AFG2A: variants seen among roughly 807,000 people sequenced by gnomAD.
The protein encoded by AFG2A is AAA ATPase AFG2A, also known as ATPase family gene 2 protein homolog A.
the AFG2A span, among the ~76,000 whole-genome samples, chr4:123,093,985 T>C: frequency 3.3e-5 from 5 of 152,298 alleles, no homozygotes; most frequent in Non-Finnish European, 7.3e-5. Flanking sequence ...TTAAGTCTTC[T>C]AGAGGTTTGT....
chr4:123,252,296 G>A, the AFG2A span, among the ~76,000 whole-genome samples: 1 of 151,850 alleles, frequency 6.6e-6, no homozygotes, highest in East Asian at 1.9e-4. Flanking sequence ...CAGTCTGTTT[G>A]GAACTCTAAG....
the AFG2A span, chr4:122,947,112 T>A: frequency 1.2e-6 from 1 of 863,598 alleles, no homozygotes; most frequent in African/African-American, 1.7e-5. Context: ...GCGTAAGAAA[T>A]AGGACTTAGT....
the AFG2A span, among the ~76,000 whole-genome samples, chr4:123,277,618 T>C: frequency 3.3e-5 from 5 of 152,234 alleles, no homozygotes; most frequent in Non-Finnish European, 7.3e-5. Flanking sequence ...GGGTTTGTCA[T>C]AGATGGCTCT....
chr4:123,170,672 G>A, the AFG2A span, among the ~76,000 whole-genome samples: 11 of 152,108 alleles, frequency 7.2e-5, no homozygotes, highest in Admixed American at 5.9e-4. Context: ...TGGTGACATC[G>A]TATTAATATT....
the AFG2A span, chr4:123,256,095 A>T: frequency 6.2e-7 from 1 of 1,614,136 alleles, no homozygotes; most frequent in Non-Finnish European, 8.5e-7. Context: ...GAAATATTTA[A>T]GCTGCAGTTT....
At chr4:123,060,316 GC>G in the AFG2A span, among the ~76,000 whole-genome samples, 12 of 152,344 alleles carry the variant, frequency 7.9e-5, no homozygotes, top group Middle Eastern at 3.4e-3. Context: ...CTGTGTGGGA[GC>G]TCCAACCCCA....
the AFG2A span, among the ~76,000 whole-genome samples, chr4:123,216,017 T>C: frequency 1.2e-4 from 19 of 152,310 alleles, no homozygotes; most frequent in Admixed American, 1.2e-3. Flanking sequence ...GGACAAGGTA[T>C]ACATATGTTT....
chr4:123,083,244 G>A, the AFG2A span, among the ~76,000 whole-genome samples: 2 of 152,150 alleles, frequency 1.3e-5, no homozygotes, highest in Non-Finnish European at 2.9e-5. Context: ...TCACCATTAA[G>A]TGTGATGTTA....
the AFG2A span, among the ~76,000 whole-genome samples, chr4:123,112,343 T>C: frequency 1.3e-5 from 2 of 152,186 alleles, no homozygotes; most frequent in Non-Finnish European, 2.9e-5. Context: ...TTTTTGTTTG[T>C]TTTATGTGAT....
chr4:123,234,269 G>A, the AFG2A span, among the ~76,000 whole-genome samples: 3 of 152,022 alleles, frequency 2.0e-5, no homozygotes, highest in Non-Finnish European at 4.4e-5. Flanking sequence ...TTAAACCTTA[G>A]TTCACATTCT....
At chr4:123,140,775 T>C in the AFG2A span, among the ~76,000 whole-genome samples, 5 of 152,108 alleles carry the variant, frequency 3.3e-5, no homozygotes. Context: ...TGAAAACAAA[T>C]CTAAAATTTT....
chr4:123,186,778 C>A, the AFG2A span, among the ~76,000 whole-genome samples: 2 of 151,744 alleles, frequency 1.3e-5, no homozygotes, highest in Non-Finnish European at 2.9e-5. Flanking sequence ...GTAAAGCTGG[C>A]GGGTGGGGAG....
the AFG2A span, among the ~76,000 whole-genome samples, chr4:123,240,058 A>G: frequency 1.3e-5 from 2 of 152,234 alleles, no homozygotes; most frequent in African/African-American, 4.8e-5. Flanking sequence ...CTTTAAACCA[A>G]CAAAGATCAA....
the AFG2A span, among the ~76,000 whole-genome samples, chr4:122,926,327 G>A: frequency 6.6e-6 from 1 of 152,336 alleles, no homozygotes; most frequent in East Asian, 1.9e-4. Context: ...TGAATATTAT[G>A]AGATCATCTA....
chr4:123,054,064 A>C, the AFG2A span, among the ~76,000 whole-genome samples: 1 of 152,294 alleles, frequency 6.6e-6, no homozygotes, highest in Non-Finnish European at 1.5e-5. Flanking sequence ...TGGGCTGATG[A>C]GCTTTTCTGC....
chr4:123,116,808 A>G, the AFG2A span, among the ~76,000 whole-genome samples: 3 of 152,232 alleles, frequency 2.0e-5, no homozygotes, highest in East Asian at 3.8e-4. Context: ...CTTGTGATAC[A>G]GGGAAATGGA....
the AFG2A span, among the ~76,000 whole-genome samples, chr4:123,242,903 GAAAA>G: frequency 6.6e-6 from 1 of 151,102 alleles, no homozygotes; most frequent in African/African-American, 2.4e-5. Context: ...AAATTTACAA[GAAAA>G]AAAACAACCC....
chr4:123,276,997 G>A, the AFG2A span, among the ~76,000 whole-genome samples: 2 of 152,110 alleles, frequency 1.3e-5, no homozygotes, highest in Non-Finnish European at 2.9e-5. Context: ...TTTTAAAATA[G>A]TTTTTTCTAA....
At chr4:123,180,269 C>G in the AFG2A span, among the ~76,000 whole-genome samples, 1 of 152,084 alleles carries the variant, frequency 6.6e-6, no homozygotes, top group Non-Finnish European at 1.5e-5. Context: ...ATTTATTTAG[C>G]TATTTTTCAG....
Sources: allele counts gnomAD v4.1 joint callset (sites outside exome capture counted in the v4.1 genomes callset), GRCh38; gene constraint gnomAD v4.1.1; transcripts MANE v1.5; gene names NCBI Gene and HGNC (gene_info 2026-07-23, HGNC 2026-07-21).